Variants in EXT2 observed in about 807,000 individuals in gnomAD.
The protein encoded by EXT2 is exostosin-2.
Under a neutral mutation model 81.6 loss-of-function variants are expected in EXT2, and 53 were observed. That is an observed-to-expected ratio of 0.65 (90% CI 0.52 to 0.82). The LOEUF is 0.82. Among genes scored for constraint, EXT2 ranks in the 40% least tolerant of loss-of-function variants. The pLI is 0.00. For synonymous variants in EXT2, 320 were observed against 340.0 expected (o/e 0.94, Z 0.65); for missense variants, 774 against 910.2 (o/e 0.85, Z 1.93).
chr11:44,187,549 G>A lies in EXT2; in HGVS notation c.1306-10280G>A, dbSNP rs201936343. Among the ~76,000 whole-genome samples the A allele has an allele frequency of 2.0e-5, 3 of 152,182 alleles. No individual in the cohort carries two copies. The East Asian group carries it at 5.8e-4, about 29-fold the overall frequency. ...TAAGAAATTAATGATATACATGGAA[G>A]CATTTTGTAAGTGGTGTGGAGCTAT... On this transcript the variant is annotated intron_variant, in intron 8 of 13. Coordinates refer to ENST00000533608, the MANE Select transcript of EXT2 (RefSeq NM_207122.2).
intron 9 of EXT2, among the ~76,000 whole-genome samples, chr11:44,202,681 A>G (rs1010778204): frequency 6.6e-6 from 1 of 152,214 alleles, no homozygotes; most frequent in Non-Finnish European, 1.5e-5. Context: ...AGCATGGCTG[A>G]CATTTTAGTG....
chr11:44,195,358 CG>C (rs1955442752), intron 8 of EXT2, among the ~76,000 whole-genome samples: 1 of 151,670 alleles, frequency 6.6e-6, no homozygotes, highest in African/African-American at 2.4e-5. Context: ...CTTTTGAACC[CG>C]GGAGACGGAG....
At chr11:44,125,024 G>A in intron 5 of EXT2, 40 bp downstream of exon 5, 3 of 1,596,972 alleles carry the variant, frequency 1.9e-6, no homozygotes, top group Non-Finnish European at 2.6e-6. Flanking sequence ...GCTCAGGAGA[G>A]TTTGCTTACA....
chr11:44,232,463 C>T lies in EXT2; in HGVS notation c.1773C>T (p.Ser591=), dbSNP rs779667149. The T allele has an allele frequency of 8.1e-6, 13 of 1,613,854 alleles. No homozygotes were observed. The Admixed American group carries it at 1.8e-4, about 23-fold the overall frequency. ...KYESEWTNEV[S]MVLTGAAFYH... ...AGTCTGAGTGGACGAATGAAGTGTC[C>T]ATGGTGCTCACTGGGGCAGCTTTTT... The change falls in exon 11 of 14, where the codon TCC becomes TCT. Residue 591 remains serine, a synonymous_variant. Coordinates refer to ENST00000533608, the MANE Select transcript of EXT2 (RefSeq NM_207122.2).
chr11:44,124,770 C>G lies in EXT2; in HGVS notation c.744-19C>G, dbSNP rs758788938. The G allele has an allele frequency of 1.2e-6, 2 of 1,613,040 alleles. No individual in the cohort carries two copies. The highest frequency in any genetic ancestry group is 1.7e-6 in the Non-Finnish European group (2 of 1,179,208). On this transcript the variant is annotated intron_variant, in intron 4 of 13. Transcript: ENST00000533608. ...ATACCAGCTGCAATTTTCCAATCACCTGTTTTTTTCCCTTGTAGTCCACGG... is the reference window on the plus strand; with the variant it reads ...ATACCAGCTGCAATTTTCCAATCACGTGTTTTTTTCCCTTGTAGTCCACGG...
At chr11:44,139,042 C>T (rs924363919) in intron 7 of EXT2, among the ~76,000 whole-genome samples, 1 of 151,438 alleles carries the variant, frequency 6.6e-6, no homozygotes, top group African/African-American at 2.4e-5. Flanking sequence ...CTTGGAAACT[C>T]GAAAGAGAAT....
chr11:44,153,290 G>A (rs980000072), intron 7 of EXT2, among the ~76,000 whole-genome samples: 28 of 151,996 alleles, frequency 1.8e-4, no homozygotes, highest in Admixed American at 9.2e-4. Flanking sequence ...AATGGTGATG[G>A]GTTTTAAATT....
intron 1 of EXT2, among the ~76,000 whole-genome samples, chr11:44,099,550 G>A (rs987097983): frequency 6.6e-6 from 1 of 151,460 alleles, no homozygotes; most frequent in Non-Finnish European, 1.5e-5. Flanking sequence ...TCAAACTGCT[G>A]AACTCAAGTG....
At chr11:44,162,263 T>C (rs1954937105) in intron 7 of EXT2, among the ~76,000 whole-genome samples, 1 of 152,050 alleles carries the variant, frequency 6.6e-6, no homozygotes, top group Admixed American at 6.6e-5. Context: ...CTAAAAGTAT[T>C]ACAAAATAAA....
chr11:44,144,352 T>G (rs1954687107), intron 7 of EXT2: 1 of 1,592,966 alleles, frequency 6.3e-7, no homozygotes, highest in Non-Finnish European at 8.5e-7. Context: ...ATGGGTGACT[T>G]AGAAAACCGG....
In EXT2 at chr11:44,158,450, T is replaced by C. The variant is rs181740878; in HGVS notation, c.1174-13161T>C. ...GACAGCGTATCAGTTTATAGCATGG[T>C]TTATGAATATTTTAAGCCCACTATC... On this transcript the variant is annotated intron_variant, in intron 7 of 13. Coordinates refer to ENST00000533608, the MANE Select transcript of EXT2 (RefSeq NM_207122.2). 2.6e-3 allele frequency among the ~76,000 whole-genome samples: 389 copies of C among 152,268 alleles called. 9 individuals are homozygous for C. The highest frequency in any genetic ancestry group is 0.02 in the Admixed American group (310 of 15,298).
intron 1 of EXT2, among the ~76,000 whole-genome samples, chr11:44,106,183 A>AATC (rs1954051588): frequency 1.3e-5 from 2 of 152,200 alleles, no homozygotes; most frequent in Admixed American, 6.5e-5. Flanking sequence ...TGGGGAAGGG[A>AATC]CATGGATTCT....
intron 10 of EXT2, among the ~76,000 whole-genome samples, chr11:44,223,686 G>GTCGCC: frequency 7.0e-6 from 1 of 142,784 alleles, no homozygotes; most frequent in East Asian, 2.0e-4. Flanking sequence ...GTCTCGCTCT[G>GTCGCC]TCGCCTGGCG....
intron 7 of EXT2, among the ~76,000 whole-genome samples, chr11:44,146,783 G>A (rs945124100): frequency 1.3e-5 from 2 of 152,150 alleles, no homozygotes; most frequent in African/African-American, 4.8e-5. Context: ...TTTCTTCATT[G>A]AAATTTTGCA....
At chr11:44,171,349 A>G (rs975485055) in intron 7 of EXT2, among the ~76,000 whole-genome samples, 1 of 152,254 alleles carries the variant, frequency 6.6e-6, no homozygotes, top group African/African-American at 2.4e-5. Flanking sequence ...GGCTATTCTC[A>G]TCATCACATA....
chr11:44,131,508 C>T (rs980945257), intron 7 of EXT2, among the ~76,000 whole-genome samples: 4 of 152,196 alleles, frequency 2.6e-5, no homozygotes, highest in Non-Finnish European at 5.9e-5. Flanking sequence ...CTGGTTTGAA[C>T]GCAAATCGCA....
Position 44,245,788 on chromosome 11 carries a change from G to A in EXT2, c.*1501G>A, listed in dbSNP as rs1334691009. 6.6e-6 allele frequency among the ~76,000 whole-genome samples: 1 copy of A among 152,198 alleles called. No individual in the cohort carries two copies. Among genetic ancestry groups the A allele is most frequent in the Non-Finnish European group, 1.5e-5 (1 of 68,040 alleles). The stretch of plus-strand genomic sequence containing the variant: ...AGAAAGTTTCAGAAGTAGCAAAGTT[G>A]GAAGTGGAAATCATAAGAGTTTTGT... On this transcript the variant is annotated 3_prime_UTR_variant, in exon 14 of 14. Transcript: ENST00000533608.
chr11:44,217,538 A>G (rs1429725713), intron 10 of EXT2, among the ~76,000 whole-genome samples: 1 of 152,200 alleles, frequency 6.6e-6, no homozygotes, highest in Non-Finnish European at 1.5e-5. Context: ...GTGAGCTACC[A>G]GATGTGGAAA....
At chr11:44,191,312 ATT>A (rs1284127887) in intron 8 of EXT2, among the ~76,000 whole-genome samples, 3 of 152,232 alleles carry the variant, frequency 2.0e-5, no homozygotes, top group Non-Finnish European at 4.4e-5. Context: ...AGGCCAGCAC[ATT>A]GTCAGAATAA....
Sources: gnomAD v4.1 joint callset for allele counts (sites outside exome capture counted in the v4.1 genomes callset) on GRCh38, gnomAD v4.1.1 for gene constraint, MANE v1.5 for transcripts, NCBI Gene and HGNC (gene_info 2026-07-23, HGNC 2026-07-21) for gene names.